The following PTPRK variants were observed in gnomAD, a reference collection of about 807,000 sequenced individuals.
The protein encoded by PTPRK is receptor-type tyrosine-protein phosphatase kappa.
In PTPRK, 75 loss-of-function variants were observed where a neutral mutation model predicts 178.0. That is an observed-to-expected ratio of 0.42 (90% confidence interval 0.35 to 0.51). The LOEUF (loss-of-function observed/expected upper bound fraction) is 0.51, where lower values mean the gene tolerates loss of function less well. PTPRK is among the 20% of genes least tolerant of loss of function. PTPRK has a pLI of 0.02. For missense variants in PTPRK, 1,441 were observed against 1,797.8 expected (o/e 0.80, Z 3.59); for synonymous variants, 637 against 620.6 (o/e 1.03, Z -0.39).
At chr6:128,172,203 T>A (rs562798433) in intron 7 of PTPRK, among the ~76,000 whole-genome samples, 3 of 152,140 alleles carry the variant, frequency 2.0e-5, no homozygotes, top group African/African-American at 7.2e-5. Flanking sequence ...AGGGAATGAA[T>A]CACTAACAAT....
chr6:128,179,466 T>A (rs1440271313), intron 7 of PTPRK, among the ~76,000 whole-genome samples: 2 of 152,012 alleles, frequency 1.3e-5, no homozygotes, highest in Non-Finnish European at 2.9e-5. Flanking sequence ...TTACCTTTAG[T>A]TTGTTTTTTA....
intron 13 of PTPRK, among the ~76,000 whole-genome samples, chr6:128,037,823 G>A (rs1174547083): frequency 6.6e-6 from 1 of 152,162 alleles, no homozygotes; most frequent in Non-Finnish European, 1.5e-5. Flanking sequence ...GTTGAGCAAT[G>A]TATAACATTC....
intron 13 of PTPRK, among the ~76,000 whole-genome samples, chr6:128,017,789 T>G: frequency 1.0e-5 from 1 of 99,660 alleles, no homozygotes; most frequent in East Asian, 2.7e-4. Flanking sequence ...CATATATAAA[T>G]AAATATATAT....
intron 22 of PTPRK, among the ~76,000 whole-genome samples, chr6:127,983,712 T>C (rs1379191434): frequency 6.6e-6 from 1 of 152,222 alleles, no homozygotes; most frequent in East Asian, 1.9e-4. Flanking sequence ...AAGTGGCAGA[T>C]TCACGCTTCA....
intron 7 of PTPRK, among the ~76,000 whole-genome samples, chr6:128,095,409 C>T (rs1247003909): frequency 1.3e-5 from 2 of 152,046 alleles, no homozygotes; most frequent in African/African-American, 4.8e-5. Flanking sequence ...CCAACCTACC[C>T]CATTTTGTTG....
intron 6 of PTPRK, among the ~76,000 whole-genome samples, chr6:128,215,283 T>C (rs1809065277): frequency 6.6e-6 from 1 of 152,136 alleles, no homozygotes; most frequent in Non-Finnish European, 1.5e-5. Context: ...ACGGAGGAGA[T>C]CACAGCTGAG....
intron 1 of PTPRK, among the ~76,000 whole-genome samples, chr6:128,415,418 A>G (rs1035236699): frequency 2.0e-5 from 3 of 152,124 alleles, no homozygotes; most frequent in African/African-American, 7.2e-5. Context: ...TTTAATGAAT[A>G]AGTTAGCTAT....
chr6:128,083,592 A>G, intron 9 of PTPRK, 123 bp downstream of exon 9: 1 of 447,988 alleles, frequency 2.2e-6, no homozygotes, highest in Non-Finnish European at 3.9e-6. Flanking sequence ...AAAACAAAGG[A>G]GAATGATTTT....
At chr6:128,317,545 A>G (rs1828181858) in intron 3 of PTPRK, among the ~76,000 whole-genome samples, 1 of 152,170 alleles carries the variant, frequency 6.6e-6, no homozygotes, top group Admixed American at 6.5e-5. Flanking sequence ...GACAGGTAGT[A>G]TTGCTTGAAA....
intron 7 of PTPRK, among the ~76,000 whole-genome samples, chr6:128,104,030 CT>C (rs1159063124): frequency 5.3e-5 from 8 of 152,284 alleles, no homozygotes; most frequent in African/African-American, 1.9e-4. Context: ...GCCTTTGTAC[CT>C]GCTTTTCTCT....
chr6:128,193,234 C>A (rs1043996185), intron 6 of PTPRK, among the ~76,000 whole-genome samples: 9 of 106,636 alleles, frequency 8.4e-5, no homozygotes, highest in Non-Finnish European at 1.5e-4. Flanking sequence ...ACATTCTAAG[C>A]AACTGCTTAG....
At chr6:128,355,790 G>C (rs1465878698) in intron 2 of PTPRK, among the ~76,000 whole-genome samples, 2 of 151,786 alleles carry the variant, frequency 1.3e-5, no homozygotes, top group Non-Finnish European at 2.9e-5. Flanking sequence ...AAAACTTAAA[G>C]TACAATAAAA....
rs199707783 is a variant in PTPRK at position 127,971,719 on chromosome 6, A to AT, written c.4269+1302dup. Among the ~76,000 whole-genome samples the AT allele has an allele frequency of 6.1e-4, 92 of 150,436 alleles. No homozygotes were observed. In the Middle Eastern group the frequency reaches 0.014, roughly 22 times the overall value. On this transcript the variant is annotated intron_variant, in intron 29 of 29. Coordinates refer to ENST00000368226, the MANE Select transcript of PTPRK (RefSeq NM_002844.4). The stretch of plus-strand genomic sequence containing the variant: ...CCAGAATGGCACAGTTTAACCATAG[A>AT]TTTTTTTTTTAATTAAAAAAGGTGG...
intron 3 of PTPRK, among the ~76,000 whole-genome samples, chr6:128,272,776 T>G (rs1224789400): frequency 6.6e-6 from 1 of 152,124 alleles, no homozygotes. Context: ...GTAAACTAGT[T>G]CAACCATTGT....
At position 128,322,114 on chromosome 6, in the gene PTPRK, A is replaced by G. The variant is rs779478315; in HGVS notation, c.420T>C (p.Asn140=). ...AATCTCTACCCGTGAATCCAGTCAC[A>G]TTCCAAATTGGATTGGCAAGAGGTC... is the stretch of plus-strand genomic sequence containing the variant. ...NKGPLANPIW[N]VTGFTGRDWL... Residue 140 remains asparagine, a synonymous_variant, in exon 3 of 30, where the codon AAT becomes AAC. Transcript: ENST00000368226. The G allele has an allele frequency of 1.2e-6, 2 of 1,613,956 alleles. No homozygotes were observed. Among genetic ancestry groups the G allele is most frequent in the East Asian group, 4.5e-5 (2 of 44,860 alleles).
At chr6:127,991,016 C>A in intron 20 of PTPRK, 131 bp from the exon 21 acceptor site, 1 of 641,994 alleles carries the variant, frequency 1.6e-6, no homozygotes. Context: ...AGAAAAAAAT[C>A]TATTATACAA....
At chr6:128,325,551 C>G (rs1347200531) in intron 2 of PTPRK, among the ~76,000 whole-genome samples, 2 of 151,784 alleles carry the variant, frequency 1.3e-5, no homozygotes, top group African/African-American at 4.8e-5. Context: ...ATTTATGCGG[C>G]CAACAAACAT....
chr6:128,400,591 A>G (rs966554284), intron 1 of PTPRK, among the ~76,000 whole-genome samples: 11 of 152,196 alleles, frequency 7.2e-5, no homozygotes, highest in South Asian at 4.1e-4. Flanking sequence ...AAAGAGGAAT[A>G]GAGGGAAACA....
intron 2 of PTPRK, among the ~76,000 whole-genome samples, chr6:128,373,459 T>G (rs1836586284): frequency 6.6e-6 from 1 of 152,344 alleles, no homozygotes; most frequent in East Asian, 1.9e-4. Flanking sequence ...CTTTAAATAC[T>G]AGTCCTAACT....
Sources: allele counts gnomAD v4.1 joint callset (sites outside exome capture counted in the v4.1 genomes callset), GRCh38; gene constraint gnomAD v4.1.1; transcripts MANE v1.5; gene names NCBI Gene and HGNC (gene_info 2026-07-23, HGNC 2026-07-21).